DPP4: variants seen among roughly 807,000 people sequenced by gnomAD.
DPP4 encodes the protein dipeptidyl peptidase 4, also known as ADCP-2.
DPP4 carries 93 observed loss-of-function variants against 122.4 expected under a neutral mutation model. The ratio of observed to expected loss-of-function variants is 0.76; its 90% CI spans 0.64 to 0.90. DPP4 has a LOEUF of 0.90. Ranked by LOEUF, DPP4 falls within the 40% of genes least tolerant of loss-of-function variation. The pLI is 0.00. For missense variants in DPP4, 914 were observed against 907.3 expected, an observed-to-expected ratio of 1.01 and a Z score of -0.09; for synonymous variants, 321 against 302.9, an observed-to-expected ratio of 1.06 and a Z score of -0.62.
chr2:162,039,382 A>G (rs1475529525), intron 5 of DPP4, among the ~76,000 whole-genome samples, 198 bp from the exon 6 acceptor site: 1 of 152,028 alleles, frequency 6.6e-6, no homozygotes, highest in Non-Finnish European at 1.5e-5. Flanking sequence ...TCTGGAGTTC[A>G]TCTACAACCT....
At chr2:162,049,589 G>T (rs1684313024) in intron 2 of DPP4, among the ~76,000 whole-genome samples, 1 of 152,008 alleles carries the variant, frequency 6.6e-6, no homozygotes. Context: ...CATGGCACAT[G>T]TTTACCTATA....
intron 10 of DPP4, among the ~76,000 whole-genome samples, chr2:162,028,169 T>G (rs1683406163): frequency 6.6e-6 from 1 of 151,950 alleles, no homozygotes; most frequent in Non-Finnish European, 1.5e-5. Flanking sequence ...CGAGACCAGC[T>G]TGGCCAGCAT....
At chr2:162,030,403 C>A (rs1683502055) in intron 10 of DPP4, among the ~76,000 whole-genome samples, 1 of 152,216 alleles carries the variant, frequency 6.6e-6, no homozygotes, top group Non-Finnish European at 1.5e-5. Flanking sequence ...CCAGCCTCAT[C>A]CTCCTGTGGA....
At chr2:162,014,668 A>G (rs1001449131) in intron 18 of DPP4, among the ~76,000 whole-genome samples, 13 of 152,214 alleles carry the variant, frequency 8.5e-5, no homozygotes, top group African/African-American at 3.1e-4. Flanking sequence ...TTAATGTTAA[A>G]ACATAAAGTT....
intron 23 of DPP4, among the ~76,000 whole-genome samples, chr2:161,999,156 C>A (rs1040153230): frequency 6.6e-6 from 1 of 152,130 alleles, no homozygotes; most frequent in Non-Finnish European, 1.5e-5. Context: ...AACCATTGAT[C>A]ATTCCCTACT....
In DPP4 at chr2:162,009,513, TTGTGTGTG is replaced by T. The variant is rs57878632; in HGVS notation, c.1833-226_1833-219del. On this transcript the variant is annotated intron_variant, in intron 20 of 25. Coordinates refer to ENST00000360534, the MANE Select transcript of DPP4 (RefSeq NM_001935.4). ...TTACTTTTGTTGGAGTTCATAAAAA[TTGTGTGTG>T]TGTGTGTGTGTGTGTGTGTGTGTGT... Among the ~76,000 whole-genome samples, 525 of 144,378 alleles carry T rather than the reference TTGTGTGTG, an allele frequency of 3.6e-3. 1 individual carries two copies. The highest frequency in any genetic ancestry group is 0.01 in the African/African-American group (408 of 39,470). 94.7% of individuals were successfully genotyped at this position (144,378 alleles called of 152,430 possible).
chr2:162,070,460 C>A (rs995204683), intron 2 of DPP4, among the ~76,000 whole-genome samples: 5 of 152,134 alleles, frequency 3.3e-5, no homozygotes, highest in African/African-American at 1.2e-4. Flanking sequence ...TGGCTTCCTC[C>A]TTCCTTTTGG....
At chr2:162,038,195 T>C in intron 8 of DPP4, 107 bp downstream of exon 8, 2 of 1,104,502 alleles carry the variant, frequency 1.8e-6, no homozygotes, top group South Asian at 3.5e-5. Flanking sequence ...TTTTAAACAA[T>C]GAAACTTTTT....
Position 162,046,961 on chromosome 2 carries a change from T to C in DPP4, c.239A>G (p.Asn80Ser), listed in dbSNP as rs770344463. Residue 80 changes from asparagine to serine, a missense_variant, in exon 4 of 26, where the codon AAT (asparagine) becomes AGT (serine). By Grantham distance (46) the Asn-to-Ser change is conservative (BLOSUM62 1). Coordinates refer to ENST00000360534, the MANE Select transcript of DPP4 (RefSeq NM_001935.4). ...YKQENNILVF[N>S]AEYGNSSVFL... Reference sequence around the variant, plus strand: ...AACTGAGCTGTTTCCATATTCAGCATTGAATACCAAGATATTATTTTCTTG... The same window carrying C: ...AACTGAGCTGTTTCCATATTCAGCACTGAATACCAAGATATTATTTTCTTG... 14 of 1,598,534 alleles carry C rather than the reference T, an allele frequency of 8.8e-6. No homozygotes were observed. The East Asian group carries it at 1.8e-4, about 20-fold the overall frequency.
rs937675099 is a variant in DPP4 at position 161,993,409 on chromosome 2, A to G, written c.2200-25T>C. On this transcript the variant is annotated intron_variant, in intron 25 of 25. Transcript: ENST00000360534. ...ACTAGAGAGAGAAAGAAAAGAAGTTAGAATTAGGAAGTCAGTACTCTTCTT... is the reference window on the plus strand; with the variant it reads ...ACTAGAGAGAGAAAGAAAAGAAGTTGGAATTAGGAAGTCAGTACTCTTCTT... 3.9e-6 allele frequency: 6 copies of G among 1,522,130 alleles called. No individual in the cohort carries two copies. In the Admixed American group the frequency reaches 6.8e-5, roughly 17 times the overall value. The allele number at this position is 1,522,130 out of a possible 1,614,324, so 94.3% of individuals were successfully genotyped here. A position where few individuals can be genotyped will look rare whatever the true frequency, so the allele number is the denominator to read the frequency against.
intron 4 of DPP4, among the ~76,000 whole-genome samples, chr2:162,045,987 TCAGA>T (rs1296890234): frequency 6.6e-6 from 1 of 152,152 alleles, no homozygotes; most frequent in Non-Finnish European, 1.5e-5. Flanking sequence ...GGCGCTGGTG[TCAGA>T]CAGAGTGGAA....
chr2:162,040,639 C>T (rs1386016714), intron 5 of DPP4, among the ~76,000 whole-genome samples: 4 of 151,868 alleles, frequency 2.6e-5, no homozygotes, highest in Non-Finnish European at 5.9e-5. Context: ...TGAAACATGT[C>T]ATCATACTTT....
At chr2:162,038,256 A>G (rs10930040) in intron 8 of DPP4, 46 bp downstream of exon 8, 481,697 of 1,467,426 alleles carry the variant, frequency 0.33, 83,625 homozygotes, top group East Asian at 0.7. Flanking sequence ...TAACTATTTT[A>G]AAAGCTTATA....
chr2:162,064,070 G>A (rs893263561), intron 2 of DPP4, among the ~76,000 whole-genome samples: 22 of 152,106 alleles, frequency 1.4e-4, no homozygotes, highest in Non-Finnish European at 2.2e-4. Flanking sequence ...CTGATGAGCC[G>A]GTGAGAATTG....
chr2:162,011,980 C>A lies in DPP4; in HGVS notation c.1645G>T (p.Gly549Cys). The A allele has an allele frequency of 6.2e-7, 1 of 1,611,228 alleles. No homozygotes were observed. The highest frequency in any genetic ancestry group is 1.3e-5 in the African/African-American group (1 of 74,870). The change falls in exon 20 of 26, where the codon GGC (glycine) becomes TGC (cysteine). Residue 549 changes from glycine (G) to cysteine (C), a missense_variant. Gly to Cys is a radical substitution (Grantham distance 159, BLOSUM62 -3). Transcript: ENST00000360534. ...KYPLLLDVYA[G>C]PCSQKADTVF... Reference sequence around the variant, plus strand: ...GTGTCTGCTTTTTGACTACATGGGCCTGCATACCTATGAAAAATACCAAAT... The same window carrying A: ...GTGTCTGCTTTTTGACTACATGGGCATGCATACCTATGAAAAATACCAAAT...
At chr2:162,019,635 T>A (rs1210320369) in intron 14 of DPP4, among the ~76,000 whole-genome samples, 1 of 152,040 alleles carries the variant, frequency 6.6e-6, no homozygotes, top group East Asian at 1.9e-4. Context: ...TTCTGTCTTA[T>A]AACATAAGCT....
At chr2:162,009,146 T>A (rs1472966768) in intron 21 of DPP4, 95 bp downstream of exon 21, 1 of 1,311,664 alleles carries the variant, frequency 7.6e-7, no homozygotes, top group African/African-American at 1.5e-5. Flanking sequence ...AGATGTGATT[T>A]TCACCTCCAA....
intron 20 of DPP4, among the ~76,000 whole-genome samples, chr2:162,011,419 G>A (rs1339764357): frequency 6.6e-6 from 1 of 152,092 alleles, no homozygotes; most frequent in African/African-American, 2.4e-5. Context: ...CAGTATCCTT[G>A]ACTGTGAAGG....
At chr2:162,046,476 A>G (rs756671210) in intron 4 of DPP4, among the ~76,000 whole-genome samples, 1 of 152,184 alleles carries the variant, frequency 6.6e-6, no homozygotes, top group Non-Finnish European at 1.5e-5. Context: ...GGGAAAGATA[A>G]CCAGTTTAGC....
Sources: allele counts gnomAD v4.1 joint callset (sites outside exome capture counted in the v4.1 genomes callset), GRCh38; gene constraint gnomAD v4.1.1; transcripts MANE v1.5; gene names NCBI Gene and HGNC (gene_info 2026-07-23, HGNC 2026-07-21).